The following CAMK1D variants were observed in gnomAD, a reference collection of about 807,000 sequenced individuals.
CAMK1D encodes the protein calcium/calmodulin dependent protein kinase ID.
A neutral mutation model predicts 47.7 loss-of-function variants in CAMK1D; 9 were observed. The observed-to-expected ratio is 0.19, with a 90% CI of 0.11 to 0.33. CAMK1D has a LOEUF of 0.33. Among genes scored for constraint, CAMK1D ranks in the 10% least tolerant of loss-of-function variants. The probability of loss-of-function intolerance (pLI) is 1.00; values close to 1 mark genes in which losing one functional copy is unlikely to be tolerated. For missense variants in CAMK1D, 291 were observed against 488.7 expected (o/e 0.60, Z 3.81); for synonymous variants, 184 against 184.9 (o/e 0.99, Z 0.04).
At chr10:12,394,607 C>G (rs1054149214) in intron 1 of CAMK1D, among the ~76,000 whole-genome samples, 2 of 152,144 alleles carry the variant, frequency 1.3e-5, no homozygotes, top group Non-Finnish European at 2.9e-5. Flanking sequence ...GAGCCACAGG[C>G]AGACACCAAA....
intron 1 of CAMK1D, among the ~76,000 whole-genome samples, chr10:12,461,787 A>G (rs952502113): frequency 2.0e-5 from 3 of 151,912 alleles, no homozygotes; most frequent in South Asian, 4.1e-4. Flanking sequence ...GTGTTCTTCT[A>G]TGATGGTAGC....
intron 1 of CAMK1D, among the ~76,000 whole-genome samples, chr10:12,451,343 A>T (rs1343801477): frequency 6.6e-6 from 1 of 152,184 alleles, no homozygotes; most frequent in Non-Finnish European, 1.5e-5. Context: ...CCTCCTGGCC[A>T]GCTGGGTAAG....
intron 2 of CAMK1D, among the ~76,000 whole-genome samples, chr10:12,656,415 C>T (rs1840116230): frequency 6.6e-6 from 1 of 152,066 alleles, no homozygotes; most frequent in South Asian, 2.1e-4. Flanking sequence ...TCACTTGAGC[C>T]TGGGAGGCAG....
At chr10:12,352,019 T>G (rs190957250) in intron 1 of CAMK1D, among the ~76,000 whole-genome samples, 2 of 152,218 alleles carry the variant, frequency 1.3e-5, no homozygotes, top group South Asian at 4.1e-4. Context: ...TCAGGTATTA[T>G]TCTACGTGCC....
intron 1 of CAMK1D, among the ~76,000 whole-genome samples, chr10:12,507,334 G>A (rs1834906234): frequency 6.6e-6 from 1 of 151,450 alleles, no homozygotes; most frequent in South Asian, 2.1e-4. Flanking sequence ...GCAGGCTATA[G>A]GTTGTTGCTT....
At chr10:12,552,821 A>C (rs1345285503) in intron 1 of CAMK1D, among the ~76,000 whole-genome samples, 3 of 152,128 alleles carry the variant, frequency 2.0e-5, no homozygotes, top group Non-Finnish European at 4.4e-5. Flanking sequence ...GGCTCACTGC[A>C]ACCTCTGCCT....
At chr10:12,754,704 G>A (rs545309696) in intron 3 of CAMK1D, among the ~76,000 whole-genome samples, 66 of 152,266 alleles carry the variant, frequency 4.3e-4, no homozygotes, top group African/African-American at 1.4e-3. Context: ...CTCTTGAGGC[G>A]TCTTTCCTTG....
chr10:12,604,696 A>G (rs936591947), intron 2 of CAMK1D, among the ~76,000 whole-genome samples: 8 of 152,152 alleles, frequency 5.3e-5, no homozygotes, highest in African/African-American at 1.9e-4. Context: ...TGGAATGTAT[A>G]TCCATCATCT....
intron 3 of CAMK1D, among the ~76,000 whole-genome samples, chr10:12,737,048 G>C (rs1835221176): frequency 6.6e-6 from 1 of 152,130 alleles, no homozygotes; most frequent in Non-Finnish European, 1.5e-5. Flanking sequence ...GCAGCTGCAG[G>C]GGAGGGCATG....
chr10:12,684,851 A>G (rs1832589729), intron 3 of CAMK1D, among the ~76,000 whole-genome samples: 1 of 152,106 alleles, frequency 6.6e-6, no homozygotes, highest in African/African-American at 2.4e-5. Flanking sequence ...AACAAAGTTT[A>G]CTGTATAAAA....
chr10:12,620,596 G>C (rs941683384), intron 2 of CAMK1D, among the ~76,000 whole-genome samples: 7 of 152,114 alleles, frequency 4.6e-5, no homozygotes, highest in African/African-American at 1.4e-4. Context: ...CATGTCTTTT[G>C]CTCATGTTCT....
intron 1 of CAMK1D, among the ~76,000 whole-genome samples, chr10:12,512,174 C>T (rs1362057192): frequency 6.6e-6 from 1 of 152,132 alleles, no homozygotes; most frequent in Non-Finnish European, 1.5e-5. Flanking sequence ...AGCATGAGAG[C>T]ACAAATAAGT....
intron 2 of CAMK1D, 121 bp from the exon 3 acceptor site, chr10:12,666,615 A>T (rs1840439395): frequency 1.3e-6 from 1 of 756,194 alleles, no homozygotes; most frequent in Non-Finnish European, 2.2e-6. Flanking sequence ...GTGAAGTCTG[A>T]AATCTTTTTG....
intron 2 of CAMK1D, among the ~76,000 whole-genome samples, chr10:12,649,673 CA>C (rs200305173): frequency 2.0e-5 from 3 of 150,446 alleles, no homozygotes; most frequent in South Asian, 2.1e-4. Context: ...TCTTTAGAAA[CA>C]AAAAAAAATG....
intron 2 of CAMK1D, among the ~76,000 whole-genome samples, chr10:12,625,168 C>T (rs1264129553): frequency 2.0e-5 from 3 of 151,790 alleles, no homozygotes; most frequent in African/African-American, 7.3e-5. Context: ...AAAACCCCGT[C>T]TCTATTAAAA....
At chr10:12,482,076 AG>A (rs1834081486) in intron 1 of CAMK1D, among the ~76,000 whole-genome samples, 2 of 152,182 alleles carry the variant, frequency 1.3e-5, no homozygotes, top group Non-Finnish European at 2.9e-5. Flanking sequence ...GTTTCCCTTG[AG>A]GGGGTGGTTA....
chr10:12,494,255 G>A (rs1834470380), intron 1 of CAMK1D, among the ~76,000 whole-genome samples: 1 of 152,184 alleles, frequency 6.6e-6, no homozygotes, highest in African/African-American at 2.4e-5. Context: ...TTTAGTTATA[G>A]AGCCAGATTA....
chr10:12,459,941 A>G (rs1427203141), intron 1 of CAMK1D, among the ~76,000 whole-genome samples: 1 of 152,212 alleles, frequency 6.6e-6, no homozygotes, highest in Non-Finnish European at 1.5e-5. Flanking sequence ...GAAAAATAAC[A>G]CAGACTGGGC....
Position 12,553,234 on chromosome 10 carries a change from T to C in CAMK1D, c.102T>C (p.Phe34=), listed in dbSNP as rs1245180330. The change falls in exon 2 of 11, where the codon TTT becomes TTC. Residue 34 remains phenylalanine (F), a synonymous_variant. Transcript: ENST00000619168. ...EFKETLGTGA[F]SEVVLAEEKA... ...CCTTCTTTGTTCACAGCGGGGCCTT[T>C]TCCGAAGTGGTTTTAGCTGAAGAGA... is the stretch of plus-strand genomic sequence containing the variant. The C allele has an allele frequency of 2.5e-6, 4 of 1,614,068 alleles. No homozygotes were observed. The African/African-American group carries it at 4.0e-5, about 16-fold the overall frequency.
Sources: allele counts gnomAD v4.1 joint callset (sites outside exome capture counted in the v4.1 genomes callset), GRCh38; gene constraint gnomAD v4.1.1; transcripts MANE v1.5; gene names NCBI Gene and HGNC (gene_info 2026-07-23, HGNC 2026-07-21).